The following FRMD4A variants were observed in gnomAD, a reference collection of about 807,000 sequenced individuals.
FRMD4A encodes the protein FERM domain containing 4A.
In FRMD4A, 29 loss-of-function variants were observed where a neutral mutation model predicts 129.1. That is an observed-to-expected ratio of 0.22 (90% CI 0.17 to 0.31). The LOEUF (loss-of-function observed/expected upper bound fraction) is 0.31, where lower values mean the gene tolerates loss of function less well. Among genes scored for constraint, FRMD4A ranks in the 10% least tolerant of loss-of-function variants. The probability of loss-of-function intolerance (pLI) is 1.00; values close to 1 mark genes in which losing one functional copy is unlikely to be tolerated. For synonymous variants in FRMD4A, 634 were observed against 571.6 expected (o/e 1.11, Z -1.56); for missense variants, 1,272 against 1,375.8 (o/e 0.92, Z 1.19).
intron 20 of FRMD4A, 57 bp downstream of exon 20, chr10:13,660,259 G>A: frequency 8.9e-7 from 1 of 1,119,214 alleles, no homozygotes; most frequent in African/African-American, 1.5e-5. Flanking sequence ...ACGGCCCTTT[G>A]ATTCTTCCAG....
chr10:14,226,856 C>T (rs1194038061), intron 2 of FRMD4A, among the ~76,000 whole-genome samples: 3 of 152,190 alleles, frequency 2.0e-5, no homozygotes, highest in Admixed American at 6.5e-5. Flanking sequence ...TTACTGCCCT[C>T]CTGCTCCCCG....
At chr10:13,949,809 G>C (rs575053631) in intron 2 of FRMD4A, among the ~76,000 whole-genome samples, 1 of 152,184 alleles carries the variant, frequency 6.6e-6, no homozygotes, top group Non-Finnish European at 1.5e-5. Flanking sequence ...TGATACTGGA[G>C]CCTAGGTTTT....
At chr10:14,059,368 T>C (rs4750458) in intron 2 of FRMD4A, among the ~76,000 whole-genome samples, 120,682 of 152,044 alleles carry the variant, frequency 0.79, 48,681 homozygotes, top group Middle Eastern at 0.87. Flanking sequence ...AGAGGGTGCC[T>C]CTAAGGATGT....
intron 24 of FRMD4A, chr10:13,649,475 T>A (rs547862834): frequency 1.6e-5 from 2 of 128,014 alleles, no homozygotes; most frequent in East Asian, 3.9e-4. Context: ...GATTGGTGGT[T>A]TGGTTCTCAG....
At chr10:13,895,992 T>C (rs1432822182) in intron 2 of FRMD4A, among the ~76,000 whole-genome samples, 1 of 152,218 alleles carries the variant, frequency 6.6e-6, no homozygotes, top group East Asian at 1.9e-4. Context: ...CCAGTTAGCA[T>C]GGCGATTATT....
intron 2 of FRMD4A, among the ~76,000 whole-genome samples, chr10:13,955,141 T>C (rs1260687846): frequency 9.0e-6 from 1 of 110,594 alleles, no homozygotes; most frequent in African/African-American, 4.0e-5. Context: ...GGAGTATCAC[T>C]CTGTCACCCA....
Position 13,980,048 on chromosome 10 carries a change from G to A in FRMD4A, c.46-121136C>T, listed in dbSNP as rs192307697. The stretch of plus-strand genomic sequence containing the variant: ...GGGACCTGATGAATGGGAATGGAGA[G>A]GCTGCACTAATGTAAGTGGGGTCAA... On this transcript the variant is annotated intron_variant, in intron 2 of 24. Transcript: ENST00000357447. Among the ~76,000 whole-genome samples, 12 of 152,334 alleles carry A rather than the reference G, an allele frequency of 7.9e-5. No individual in the cohort carries two copies. The East Asian group carries it at 1.9e-3, about 24-fold the overall frequency.
In FRMD4A at chr10:13,659,370, G is replaced by A; in HGVS notation, c.2019C>T (p.Ser673=). 1.2e-6 allele frequency: 2 copies of A among 1,614,186 alleles called. No homozygotes were observed. The highest frequency in any genetic ancestry group is 1.7e-6 in the Non-Finnish European group (2 of 1,179,988). Residue 673 remains serine (S), a synonymous_variant, in exon 21 of 25, where the codon TCC becomes TCT. Transcript: ENST00000357447. The part of the protein sequence containing the change: ...PHWNSQSSMP[S]TPDLRVRSPH... ...GACTCCGGACCCGCAGGTCTGGCGT[G>A]GACGGCATGCTGGACTGGGAGTTCC... is the stretch of plus-strand genomic sequence containing the variant.
At chr10:14,102,770 G>A (rs200562239) in intron 2 of FRMD4A, among the ~76,000 whole-genome samples, 21 of 149,040 alleles carry the variant, frequency 1.4e-4, no homozygotes, top group East Asian at 2.0e-4. Context: ...AAGATAGTGA[G>A]AAAAAAAAAA....
At chr10:14,302,089 G>A (rs879911676) in intron 2 of FRMD4A, among the ~76,000 whole-genome samples, 2 of 152,182 alleles carry the variant, frequency 1.3e-5, no homozygotes, top group Non-Finnish European at 2.9e-5. Context: ...TTTGATTTTT[G>A]TATAGTGCAT....
At chr10:13,834,522 T>C (rs2093842983) in intron 3 of FRMD4A, among the ~76,000 whole-genome samples, 1 of 152,218 alleles carries the variant, frequency 6.6e-6, no homozygotes, top group Non-Finnish European at 1.5e-5. Flanking sequence ...TTGGAGTTCC[T>C]CTAAGTATTA....
At chr10:13,652,637 T>G (rs574585861) in intron 23 of FRMD4A, 3 of 152,524 alleles carry the variant, frequency 2.0e-5, no homozygotes, top group African/African-American at 7.2e-5. Context: ...GGGCAGCTAC[T>G]GTCCAACAGA....
intron 2 of FRMD4A, among the ~76,000 whole-genome samples, chr10:14,179,387 A>T (rs1333054715): frequency 8.5e-5 from 13 of 152,310 alleles, no homozygotes; most frequent in African/African-American, 3.1e-4. Context: ...CTTTGGGATG[A>T]TAATGGATAG....
At chr10:13,940,031 C>T (rs1037117674) in intron 2 of FRMD4A, among the ~76,000 whole-genome samples, 7 of 152,014 alleles carry the variant, frequency 4.6e-5, no homozygotes, top group Admixed American at 1.3e-4. Context: ...TGTTGAAGTC[C>T]GGTCCACCAT....
At chr10:14,242,244 A>G (rs1844074478) in intron 2 of FRMD4A, among the ~76,000 whole-genome samples, 2 of 152,234 alleles carry the variant, frequency 1.3e-5, no homozygotes, top group African/African-American at 4.8e-5. Flanking sequence ...GGGGATGAGA[A>G]GAACGTCCAA....
rs551786896 is a variant in FRMD4A, at chr10:13,910,225, T to C, written c.46-51313A>G. Among the ~76,000 whole-genome samples the C allele has an allele frequency of 5.3e-5, 8 of 152,342 alleles. No homozygotes were observed. The South Asian group carries it at 1.0e-3, about 20-fold the overall frequency. On this transcript the variant is annotated intron_variant, in intron 2 of 24. Transcript: ENST00000357447. ...TCAAAATTTAAGTCTCCAAAGGACT[T>C]TGATGCTTCAATTTGATCTCTTGGA...
intron 2 of FRMD4A, among the ~76,000 whole-genome samples, chr10:14,027,626 C>T (rs905469603): frequency 6.6e-6 from 1 of 152,142 alleles, no homozygotes; most frequent in Admixed American, 6.5e-5. Context: ...CAAACAAAAA[C>T]AAAAACAAAA....
intron 2 of FRMD4A, among the ~76,000 whole-genome samples, chr10:13,961,136 C>G (rs1025259894): frequency 6.6e-6 from 1 of 152,186 alleles, no homozygotes; most frequent in African/African-American, 2.4e-5. Context: ...TCCTTCCAAA[C>G]GGTATGCTCT....
intron 2 of FRMD4A, among the ~76,000 whole-genome samples, chr10:13,965,065 ATT>A (rs398012865): frequency 2.7e-4 from 38 of 141,020 alleles, no homozygotes; most frequent in South Asian, 1.1e-3. Context: ...ACCACTGGGC[ATT>A]TTTTTTTTTT....
Sources: gnomAD v4.1 joint callset for allele counts (sites outside exome capture counted in the v4.1 genomes callset) on GRCh38, gnomAD v4.1.1 for gene constraint, MANE v1.5 for transcripts, NCBI Gene and HGNC (gene_info 2026-07-23, HGNC 2026-07-21) for gene names.